The following CHST9 variants were observed in gnomAD, a reference collection of about 807,000 sequenced individuals.
CHST9 encodes GalNAc-4-sulfotransferase 2.
A neutral mutation model predicts 44.4 loss-of-function variants in CHST9; 41 were observed. The ratio of observed to expected loss-of-function variants is 0.92; its 90% CI spans 0.72 to 1.20. The LOEUF (loss-of-function observed/expected upper bound fraction) is 1.20, where lower values mean the gene tolerates loss of function less well. Ranked by LOEUF, CHST9 falls within the 50% of genes most tolerant of loss-of-function variation. The pLI is 0.00. For synonymous variants in CHST9, 171 were observed against 178.4 expected (o/e 0.96, Z 0.33); for missense variants, 504 against 516.5 (o/e 0.98, Z 0.23).
At chr18:27,046,114 A>C (rs1183593132) in intron 3 of CHST9, among the ~76,000 whole-genome samples, 2 of 137,410 alleles carry the variant, frequency 1.5e-5, no homozygotes, top group Non-Finnish European at 3.1e-5. Flanking sequence ...CTCTTTATGA[A>C]TCTCTTGTCA....
chr18:26,929,579 G>A lies in CHST9; in HGVS notation c.241-12229C>T, dbSNP rs562978037. ...CTGTGTGCATAAGCAGTTGACAGAG[G>A]TGGATGCTAATTCAATTAATAGTAT... On this transcript the variant is annotated intron_variant, in intron 5 of 5. Transcript: ENST00000618847. 4.7e-4 allele frequency among the ~76,000 whole-genome samples: 72 copies of A among 152,322 alleles called. 1 individual carries two copies. The highest frequency in any genetic ancestry group is 1.7e-3 in the African/African-American group (71 of 41,568).
At chr18:26,948,257 G>C (rs1202619263) in intron 4 of CHST9, among the ~76,000 whole-genome samples, 1 of 152,100 alleles carries the variant, frequency 6.6e-6, no homozygotes, top group Non-Finnish European at 1.5e-5. Flanking sequence ...GGGAGTGGGG[G>C]ACCAGGGGAG....
At chr18:27,117,828 A>G (rs1203902335) in intron 2 of CHST9, among the ~76,000 whole-genome samples, 2 of 152,218 alleles carry the variant, frequency 1.3e-5, no homozygotes, top group Non-Finnish European at 2.9e-5. Flanking sequence ...GCAAGTTTTG[A>G]TAATTATGAA....
intron 2 of CHST9, among the ~76,000 whole-genome samples, chr18:27,128,843 T>C (rs547776230): frequency 6.6e-6 from 1 of 152,320 alleles, no homozygotes; most frequent in South Asian, 2.1e-4. Flanking sequence ...ACCTAGAAGG[T>C]AGTGACTACA....
intron 5 of CHST9, among the ~76,000 whole-genome samples, chr18:26,931,350 G>T (rs2055874895): frequency 6.6e-6 from 1 of 152,198 alleles, no homozygotes. Context: ...AAGGGGTAAG[G>T]AAGTCTCAAG....
intron 4 of CHST9, chr18:26,952,479 G>A: frequency 2.2e-6 from 1 of 447,428 alleles, no homozygotes; most frequent in Non-Finnish European, 4.3e-6. Context: ...TTGGGGCTCT[G>A]ACAATTGGTA....
chr18:27,008,912 GTT>G (rs34156224), intron 4 of CHST9, among the ~76,000 whole-genome samples: 96 of 145,084 alleles, frequency 6.6e-4, no homozygotes, highest in African/African-American at 2.2e-3. Flanking sequence ...GTTCTGTTCT[GTT>G]TTTTTTTTTT....
At chr18:27,008,532 T>C (rs932509866) in intron 4 of CHST9, among the ~76,000 whole-genome samples, 1 of 152,254 alleles carries the variant, frequency 6.6e-6, no homozygotes, top group African/African-American at 2.4e-5. Context: ...TTCTCTAGTT[T>C]GTAGTTCTCC....
chr18:27,168,424 G>C (rs2058808711), intron 1 of CHST9, among the ~76,000 whole-genome samples: 1 of 152,162 alleles, frequency 6.6e-6, no homozygotes, highest in East Asian at 1.9e-4. Flanking sequence ...AATACACTGA[G>C]AGACAAAGAA....
At chr18:26,990,193 A>T (rs2056800278) in intron 4 of CHST9, among the ~76,000 whole-genome samples, 1 of 152,224 alleles carries the variant, frequency 6.6e-6, no homozygotes, top group Non-Finnish European at 1.5e-5. Context: ...TCTAGAAAAT[A>T]TAAAATGACC....
Position 27,135,759 on chromosome 18 carries a change from T to C in CHST9, c.121+6930A>G, listed in dbSNP as rs138736836. Among the ~76,000 whole-genome samples, 1,425 of 152,336 alleles carry C rather than the reference T, an allele frequency of 9.4e-3. 82 individuals carry two copies. Among genetic ancestry groups the C allele is most frequent in the Admixed American group, 0.083 (1,266 of 15,294 alleles). On this transcript the variant is annotated intron_variant, in intron 2 of 5. Coordinates refer to ENST00000618847, the MANE Select transcript of CHST9 (RefSeq NM_031422.6). ...CAAGGCACGTGTTCCTTAAAACGTCTGGTCTTTCTCAAGCAGCTGGTGAGA... is the reference window on the plus strand; with the variant it reads ...CAAGGCACGTGTTCCTTAAAACGTCCGGTCTTTCTCAAGCAGCTGGTGAGA...
rs147806130 is a variant in CHST9 at position 26,909,841 on chromosome 18, C to T, written c.*6418G>A. 1 of 152,406 alleles carries T rather than the reference C, an allele frequency of 6.6e-6. No individual in the cohort carries two copies. Among genetic ancestry groups the T allele is most frequent in the Non-Finnish European group, 1.5e-5 (1 of 68,238 alleles). The allele number at this position is 152,406 out of a possible 1,614,324, so 9.4% of individuals were successfully genotyped here. A position where few individuals can be genotyped will look rare whatever the true frequency, so the allele number is the denominator to read the frequency against. On this transcript the variant is annotated 3_prime_UTR_variant, in exon 6 of 6. Transcript: ENST00000618847. ...AGGAGGTTGTCAGAGCATTAAGAAG[C>T]AAGAGAGTAGAATGTTACAGGGGGT... is the stretch of plus-strand genomic sequence containing the variant.
At chr18:27,109,070 A>G (rs751674743) in intron 2 of CHST9, among the ~76,000 whole-genome samples, 40 of 152,256 alleles carry the variant, frequency 2.6e-4, no homozygotes, top group Non-Finnish European at 3.8e-4. Context: ...TTGTATGCTG[A>G]GGAGGTCAGA....
At chr18:27,070,139 T>G (rs1029852977) in intron 2 of CHST9, among the ~76,000 whole-genome samples, 5 of 152,206 alleles carry the variant, frequency 3.3e-5, no homozygotes, top group Admixed American at 6.5e-5. Context: ...GGTGGTTGTC[T>G]TATATTTAGA....
intron 2 of CHST9, among the ~76,000 whole-genome samples, chr18:27,103,195 G>A (rs977619768): frequency 8.5e-5 from 13 of 152,104 alleles, no homozygotes; most frequent in South Asian, 2.1e-4. Context: ...GGCATAGAAC[G>A]GGTAGGTGGT....
At position 26,914,336 on chromosome 18, in the gene CHST9, G is replaced by A. The variant is rs986342933; in HGVS notation, c.*1923C>T. ...GAAATTGCCTTTATTCTTTATAGTG[G>A]ATTTCATATAAAGCAAGTTTTGTGT... On this transcript the variant is annotated 3_prime_UTR_variant, in exon 6 of 6. Transcript: ENST00000618847. 2.6e-5 allele frequency: 4 copies of A among 152,006 alleles called. No homozygotes were observed. The highest frequency in any genetic ancestry group is 9.7e-5 in the African/African-American group (4 of 41,394). The allele number at this position is 152,006 out of a possible 1,614,324, so 9.4% of individuals were successfully genotyped here.
chr18:27,001,347 C>T (rs1440918056), intron 4 of CHST9, among the ~76,000 whole-genome samples: 1 of 152,200 alleles, frequency 6.6e-6, no homozygotes, highest in African/African-American at 2.4e-5. Flanking sequence ...CGGCTGCTCA[C>T]ATTCCATGCC....
rs144610972 is a variant in CHST9, at chr18:27,047,546, C to A, written c.160+919G>T. On this transcript the variant is annotated intron_variant, in intron 3 of 5. Transcript: ENST00000618847. ...CTAAGATTGGAAAGGACAAAAGAGACAGAAGCTTATGCTGTTTATACACTT... is the reference window on the plus strand; with the variant it reads ...CTAAGATTGGAAAGGACAAAAGAGAAAGAAGCTTATGCTGTTTATACACTT... Among the ~76,000 whole-genome samples, 1,130 of 152,158 alleles carry A rather than the reference C, an allele frequency of 7.4e-3. 16 individuals are homozygous for A. Among genetic ancestry groups the A allele is most frequent in the African/African-American group, 0.026 (1,084 of 41,536 alleles).
At chr18:27,170,553 G>A (rs899177628) in intron 1 of CHST9, among the ~76,000 whole-genome samples, 2 of 151,942 alleles carry the variant, frequency 1.3e-5, no homozygotes, top group African/African-American at 4.8e-5. Context: ...GTGAATACAT[G>A]GATATTTATC....
Sources: allele counts gnomAD v4.1 joint callset (sites outside exome capture counted in the v4.1 genomes callset), GRCh38; gene constraint gnomAD v4.1.1; transcripts MANE v1.5; gene names NCBI Gene and HGNC (gene_info 2026-07-23, HGNC 2026-07-21).